Variants in SAMD12 observed in about 807,000 individuals in gnomAD.
The protein encoded by SAMD12 is sterile alpha motif domain containing 12, also known as sterile alpha motif domain-containing protein 12.
A neutral mutation model predicts 15.0 loss-of-function variants in SAMD12; 9 were observed. That is an observed-to-expected ratio of 0.60 (90% CI 0.36 to 1.05). The LOEUF (loss-of-function observed/expected upper bound fraction) is 1.05. Among genes scored for constraint, SAMD12 ranks in the 50% least tolerant of loss-of-function variants. The pLI is 0.01. For synonymous variants in SAMD12, 86 were observed against 90.1 expected (o/e 0.96, Z 0.25); for missense variants, 230 against 234.2 (o/e 0.98, Z 0.12).
chr8:118,333,844 C>CG (rs902031271), intron 4 of SAMD12, among the ~76,000 whole-genome samples: 7 of 137,766 alleles, frequency 5.1e-5, no homozygotes, highest in African/African-American at 1.9e-4. Flanking sequence ...TGCCCGTTGG[C>CG]GGGGGGCGGG....
rs1819524531 is a variant in SAMD12, at chr8:118,378,986, TG to T, written c.*430del. 1.0e-6 allele frequency: 1 copy of T among 974,168 alleles called. No individual in the cohort carries two copies. The highest frequency in any genetic ancestry group is 1.2e-6 in the Non-Finnish European group (1 of 817,018). 60.3% of individuals were successfully genotyped at this position (974,168 alleles called of 1,614,324 possible). Reference sequence around the variant, plus strand: ...ATTATTCCACTTTCAAGAAGCTAAATGGGGTTCTTACAATCTCTAAAGTGTG... The same window carrying T: ...ATTATTCCACTTTCAAGAAGCTAAATGGGTTCTTACAATCTCTAAAGTGTG... On this transcript the variant is annotated 3_prime_UTR_variant, in exon 4 of 4. Coordinates refer to ENST00000314727, the MANE Select transcript of SAMD12 (RefSeq NM_207506.3).
chr8:118,364,254 A>G (rs767287988), intron 4 of SAMD12, among the ~76,000 whole-genome samples: 1 of 152,162 alleles, frequency 6.6e-6, no homozygotes, highest in Non-Finnish European at 1.5e-5. Context: ...GGGTTGCCTA[A>G]GAAAACTTAT....
At chr8:118,575,096 T>C (rs940602927) in intron 2 of SAMD12, among the ~76,000 whole-genome samples, 3 of 152,214 alleles carry the variant, frequency 2.0e-5, no homozygotes, top group Non-Finnish European at 4.4e-5. Flanking sequence ...TGCAGTCAAC[T>C]CTCATTTATC....
intron 4 of SAMD12, among the ~76,000 whole-genome samples, chr8:118,340,415 T>C (rs1452184882): frequency 2.6e-5 from 4 of 152,182 alleles, no homozygotes; most frequent in Non-Finnish European, 1.5e-5. Flanking sequence ...CCCTTACAAC[T>C]TAATTTTGTC....
chr8:118,447,493 T>TG (rs1301785270), intron 2 of SAMD12, among the ~76,000 whole-genome samples: 1 of 151,742 alleles, frequency 6.6e-6, no homozygotes, highest in Non-Finnish European at 1.5e-5. Context: ...TTAGTAGAGA[T>TG]GGGGTTTCAC....
intron 3 of SAMD12, among the ~76,000 whole-genome samples, chr8:118,429,049 T>C (rs974165300): frequency 2.0e-5 from 3 of 152,238 alleles, no homozygotes; most frequent in African/African-American, 4.8e-5. Context: ...AATTTTAACA[T>C]TGAGTCTTCT....
the SAMD12 span, among the ~76,000 whole-genome samples, chr8:118,134,490 A>G: frequency 6.6e-6 from 1 of 152,180 alleles, no homozygotes; most frequent in Non-Finnish European, 1.5e-5. Flanking sequence ...GTTGTTTTCA[A>G]TGTGTCGTTC....
intron 3 of SAMD12, among the ~76,000 whole-genome samples, chr8:118,421,715 T>C (rs1281168807): frequency 1.3e-5 from 2 of 152,346 alleles, no homozygotes; most frequent in East Asian, 3.9e-4. Context: ...GCTTCCACCC[T>C]ACAAAACAGC....
chr8:118,155,164 A>G, the SAMD12 span, among the ~76,000 whole-genome samples: 1 of 152,200 alleles, frequency 6.6e-6, no homozygotes, highest in Non-Finnish European at 1.5e-5. Flanking sequence ...AGTATATTAT[A>G]TCTAATGTAT....
chr8:118,322,787 CT>C (rs1414950455), intron 4 of SAMD12, among the ~76,000 whole-genome samples: 1 of 152,184 alleles, frequency 6.6e-6, no homozygotes, highest in Non-Finnish European at 1.5e-5. Flanking sequence ...TCTTGTTTAA[CT>C]GTTCACGTTT....
intron 3 of SAMD12, among the ~76,000 whole-genome samples, chr8:118,434,189 A>AT (rs1822505365): frequency 6.6e-6 from 1 of 152,176 alleles, no homozygotes; most frequent in Non-Finnish European, 1.5e-5. Context: ...TCAGCAGAAT[A>AT]TTTTTAAAAA....
chr8:118,520,121 A>G (rs2131088840), intron 2 of SAMD12, among the ~76,000 whole-genome samples: 1 of 152,292 alleles, frequency 6.6e-6, no homozygotes, highest in Non-Finnish European at 1.5e-5. Flanking sequence ...CATTCCTACT[A>G]TAACTTGCTT....
intron 3 of SAMD12, among the ~76,000 whole-genome samples, chr8:118,398,354 G>A (rs1032374619): frequency 2.0e-5 from 3 of 152,132 alleles, no homozygotes; most frequent in East Asian, 1.9e-4. Context: ...AGCTGAGATC[G>A]TGCCACTGCA....
chr8:118,619,536 T>A (rs1377233279), intron 1 of SAMD12, among the ~76,000 whole-genome samples: 1 of 151,200 alleles, frequency 6.6e-6, no homozygotes, highest in Non-Finnish European at 1.5e-5. Context: ...CCTTATTGTA[T>A]CACATTTAGG....
At chr8:118,250,903 C>T (rs1273106055) in intron 4 of SAMD12, among the ~76,000 whole-genome samples, 1 of 152,130 alleles carries the variant, frequency 6.6e-6, no homozygotes, top group Non-Finnish European at 1.5e-5. Context: ...CAAAGAGAGT[C>T]TGTCCTACAC....
At chr8:118,498,834 T>C (rs548893200) in intron 2 of SAMD12, among the ~76,000 whole-genome samples, 1 of 152,302 alleles carries the variant, frequency 6.6e-6, no homozygotes, top group African/African-American at 2.4e-5. Flanking sequence ...ATAGAAATGG[T>C]AGATAGACCT....
rs35576833 is a variant in SAMD12 at position 118,309,380 on chromosome 8, ATG to A, written c.433+70178_433+70179del. ...GTGTATATATATATTTGAGATATATATGTGTGTGTGTGTGTGTGTGTGTGTGT... is the reference window on the plus strand; with the variant it reads ...GTGTATATATATATTTGAGATATATATGTGTGTGTGTGTGTGTGTGTGTGT... On this transcript the variant is annotated intron_variant, in intron 4 of 4. Transcript: ENST00000409003. Among the ~76,000 whole-genome samples the A allele has an allele frequency of 8.8e-4, 127 of 143,742 alleles. 1 individual carries two copies. The highest frequency in any genetic ancestry group is 2.2e-3 in the East Asian group (11 of 4,946). 94.3% of individuals were successfully genotyped at this position (143,742 alleles called of 152,430 possible).
intron 1 of SAMD12, among the ~76,000 whole-genome samples, chr8:118,591,001 A>G (rs556077888): frequency 6.6e-5 from 10 of 152,274 alleles, no homozygotes; most frequent in African/African-American, 2.4e-4. Context: ...ACAAAATAAA[A>G]AGCTCAGGTG....
chr8:118,570,901 G>A (rs1441726413), intron 2 of SAMD12, among the ~76,000 whole-genome samples: 1 of 152,130 alleles, frequency 6.6e-6, no homozygotes, highest in African/African-American at 2.4e-5. Flanking sequence ...TCAAAAAGAG[G>A]AGTTCCCCTG....
Sources: gnomAD v4.1 joint callset for allele counts (sites outside exome capture counted in the v4.1 genomes callset) on GRCh38, gnomAD v4.1.1 for gene constraint, MANE v1.5 for transcripts, NCBI Gene and HGNC (gene_info 2026-07-23, HGNC 2026-07-21) for gene names.